PAN3: variants seen among roughly 807,000 people sequenced by gnomAD.
PAN3 encodes the protein PAN2-PAN3 deadenylation complex subunit PAN3.
In PAN3, 19 loss-of-function variants were observed where a neutral mutation model predicts 96.2. The ratio of observed to expected loss-of-function variants is 0.20; its 90% CI spans 0.14 to 0.29. The LOEUF (loss-of-function observed/expected upper bound fraction) is 0.29, where lower values mean the gene tolerates loss of function less well. Ranked by LOEUF, PAN3 falls within the 10% of genes least tolerant of loss-of-function variation. The pLI, the probability that PAN3 is intolerant of heterozygous loss-of-function variation, is 1.00. For missense variants in PAN3, 882 were observed against 1,108.1 expected (o/e 0.80, Z 2.90); for synonymous variants, 433 against 406.6 (o/e 1.06, Z -0.78).
intron 1 of PAN3, among the ~76,000 whole-genome samples, chr13:28,153,439 A>T (rs940288804): frequency 6.6e-6 from 1 of 151,920 alleles, no homozygotes; most frequent in Non-Finnish European, 1.5e-5. Context: ...GGATTTCACC[A>T]TGTTGGCCAG....
At chr13:28,216,376 A>G (rs1880773713) in intron 5 of PAN3, among the ~76,000 whole-genome samples, 1 of 152,158 alleles carries the variant, frequency 6.6e-6, no homozygotes, top group South Asian at 2.1e-4. Flanking sequence ...GCCTGTGCAG[A>G]CTTTAGTATG....
rs1362815141 is a variant in PAN3 at position 28,177,852 on chromosome 13, A to G, written c.620-13A>G. ...AGTTTTATGTGTGGAAACTTACGTA[A>G]CTTACCTTTCAGATCCTCTAACATC... On this transcript the variant is annotated splice_polypyrimidine_tract_variant and intron_variant, in intron 3 of 18. Transcript: ENST00000380958. 3 of 1,609,796 alleles carry G rather than the reference A, an allele frequency of 1.9e-6. No individual in the cohort carries two copies. In the South Asian group the frequency reaches 3.3e-5, roughly 18 times the overall value.
intron 1 of PAN3, among the ~76,000 whole-genome samples, chr13:28,165,629 T>G (rs965352180): frequency 6.6e-6 from 1 of 152,326 alleles, no homozygotes; most frequent in Non-Finnish European, 1.5e-5. Context: ...TTCAATTTCT[T>G]ATTATTCTAT....
intron 17 of PAN3, among the ~76,000 whole-genome samples, chr13:28,283,949 A>G (rs1566260378): frequency 6.6e-6 from 1 of 152,118 alleles, no homozygotes; most frequent in South Asian, 2.1e-4. Flanking sequence ...CCAGTTCCCT[A>G]TAGGTGGGCA....
At chr13:28,276,902 T>G (rs1296250637) in intron 14 of PAN3, among the ~76,000 whole-genome samples, 11 of 152,140 alleles carry the variant, frequency 7.2e-5, no homozygotes, top group Admixed American at 7.2e-4. Flanking sequence ...AAGAAAAAAT[T>G]AGAAAAACTT....
Position 28,185,167 on chromosome 13 carries a change from A to G in PAN3, c.690+7232A>G, listed in dbSNP as rs45489705. Among the ~76,000 whole-genome samples, 1,312 of 152,198 alleles carry G rather than the reference A, an allele frequency of 8.6e-3. 25 individuals carry two copies. The highest frequency in any genetic ancestry group is 0.03 in the African/African-American group (1,242 of 41,530). ...AATCAGTTTCCCTTAGTAAATGGCT[A>G]TGTGTTCTCTCTTTTCTCTGCTTTT... On this transcript the variant is annotated intron_variant, in intron 4 of 18. Coordinates refer to ENST00000380958, the MANE Select transcript of PAN3 (RefSeq NM_175854.8).
At chr13:28,167,673 CAA>C (rs1166063021) in intron 1 of PAN3, among the ~76,000 whole-genome samples, 7 of 61,324 alleles carry the variant, frequency 1.1e-4, no homozygotes, top group Non-Finnish European at 3.2e-5. Flanking sequence ...CCTGTCTCTA[CAA>C]AAAAAAAAAA....
intron 14 of PAN3, 90 bp downstream of exon 14, chr13:28,272,161 A>G: frequency 1.1e-6 from 1 of 930,266 alleles, no homozygotes; most frequent in Non-Finnish European, 1.6e-6. Context: ...TTTTAAGCCT[A>G]GATTTTAATT....
Position 28,139,094 on chromosome 13 carries a change from GT to G in PAN3, c.430+12del. The G allele has an allele frequency of 2.4e-6, 3 of 1,268,896 alleles. No homozygotes were observed. Among genetic ancestry groups the G allele is most frequent in the East Asian group, 3.2e-5 (1 of 31,568 alleles). The allele number at this position is 1,268,896 out of a possible 1,614,324, so 78.6% of individuals were successfully genotyped here. ...GATGGACCGCGGCTGGCAAGTGAGT[GT>G]TTTTCGGGCGGGGCGGGCCGCGGCG... On this transcript the variant is annotated splice_region_variant and intron_variant, in intron 1 of 18. Transcript: ENST00000380958.
intron 5 of PAN3, among the ~76,000 whole-genome samples, chr13:28,198,020 C>T (rs1878268243): frequency 6.6e-6 from 1 of 152,034 alleles, no homozygotes. Flanking sequence ...CGCCTGTAAT[C>T]CCAGCACTCT....
At chr13:28,289,364 C>T (rs1384701160) in intron 18 of PAN3, among the ~76,000 whole-genome samples, 2 of 152,072 alleles carry the variant, frequency 1.3e-5, no homozygotes, top group East Asian at 1.9e-4. Context: ...CCTTGACTCC[C>T]CAGGGCTGCA....
At chr13:28,170,411 C>T (rs1409438026) in intron 1 of PAN3, among the ~76,000 whole-genome samples, 1 of 151,980 alleles carries the variant, frequency 6.6e-6, no homozygotes, top group Non-Finnish European at 1.5e-5. Flanking sequence ...ACCTTGCTTT[C>T]GAGGAACTTA....
chr13:28,288,902 C>T lies in PAN3; in HGVS notation c.2523+780C>T, dbSNP rs1357948327. The stretch of plus-strand genomic sequence containing the variant: ...AGTGCAGTGGCGCCATCTAGGCTCA[C>T]TGCAAGCTCCGCCTCCCGGGTTCAC... On this transcript the variant is annotated intron_variant, in intron 18 of 18. Transcript: ENST00000380958. Among the ~76,000 whole-genome samples the T allele has an allele frequency of 2.0e-5, 3 of 146,586 alleles. No individual in the cohort carries two copies. The East Asian group carries it at 6.2e-4, about 30-fold the overall frequency.
intron 1 of PAN3, among the ~76,000 whole-genome samples, chr13:28,159,086 C>T (rs1872582817): frequency 6.6e-6 from 1 of 152,038 alleles, no homozygotes; most frequent in Non-Finnish European, 1.5e-5. Context: ...ACCATTTGAC[C>T]CAGCAATTTC....
At chr13:28,287,706 C>T (rs762897148) in intron 17 of PAN3, among the ~76,000 whole-genome samples, 3 of 152,152 alleles carry the variant, frequency 2.0e-5, no homozygotes, top group African/African-American at 4.8e-5. Flanking sequence ...GATATTTTTA[C>T]CTTTTCCATT....
At chr13:28,184,782 G>C (rs147972314) in intron 4 of PAN3, among the ~76,000 whole-genome samples, 110 of 152,004 alleles carry the variant, frequency 7.2e-4, no homozygotes, top group African/African-American at 2.5e-3. Context: ...TATGTTTATT[G>C]GTCATTAGTG....
intron 1 of PAN3, among the ~76,000 whole-genome samples, chr13:28,164,191 TAC>T (rs1221893376): frequency 6.6e-6 from 1 of 152,234 alleles, no homozygotes; most frequent in Non-Finnish European, 1.5e-5. Context: ...TATAGAGTTA[TAC>T]AGTTTTTTAA....
intron 1 of PAN3, among the ~76,000 whole-genome samples, chr13:28,146,060 C>G (rs1870588458): frequency 6.6e-6 from 1 of 151,816 alleles, no homozygotes; most frequent in Admixed American, 6.6e-5. Flanking sequence ...CATGCTTGGC[C>G]CTCAGTTTTT....
intron 1 of PAN3, among the ~76,000 whole-genome samples, chr13:28,156,808 C>CTCACCAG (rs1483340265): frequency 1.3e-5 from 2 of 152,006 alleles, no homozygotes; most frequent in Non-Finnish European, 2.9e-5. Flanking sequence ...GCCTGTGTAA[C>CTCACCAG]ATGGTGAGTA....
Sources: allele counts gnomAD v4.1 joint callset (sites outside exome capture counted in the v4.1 genomes callset), GRCh38; gene constraint gnomAD v4.1.1; transcripts MANE v1.5; gene names NCBI Gene and HGNC (gene_info 2026-07-23, HGNC 2026-07-21).